The following MAP4K3 variants were observed in gnomAD, a reference collection of about 807,000 sequenced individuals.
MAP4K3 encodes MAPK/ERK kinase kinase kinase 3.
In MAP4K3, 94 loss-of-function variants were observed where a neutral mutation model predicts 143.5. The observed-to-expected ratio is 0.65, with a 90% CI of 0.55 to 0.78. The LOEUF is 0.78. MAP4K3 is among the 30% of genes least tolerant of loss of function. The probability of loss-of-function intolerance (pLI) is 0.00; values close to 1 mark genes in which losing one functional copy is unlikely to be tolerated. For missense variants in MAP4K3, 1,077 were observed against 1,068.1 expected, an observed-to-expected ratio of 1.01 and a Z score of -0.12; for synonymous variants, 416 against 347.2, an observed-to-expected ratio of 1.20 and a Z score of -2.20.
Position 39,300,468 on chromosome 2 carries a change from C to T in MAP4K3, c.1120-667G>A, listed in dbSNP as rs1682463719. On this transcript the variant is annotated intron_variant, in intron 15 of 33. Coordinates refer to ENST00000263881, the MANE Select transcript of MAP4K3 (RefSeq NM_003618.4). ...TTAACATTTAAAAGGATGAACAGTA[C>T]ACATGCTCAACTCAAATGCCTTCTT... 1.3e-5 allele frequency among the ~76,000 whole-genome samples: 2 copies of T among 152,248 alleles called. 1 individual carries two copies.
intron 24 of MAP4K3, 95 bp downstream of exon 24, chr2:39,278,312 G>A: frequency 1.5e-6 from 1 of 647,210 alleles, no homozygotes; most frequent in Non-Finnish European, 2.6e-6. Context: ...AATAAAAGAG[G>A]CAGCAAGTCA....
chr2:39,385,564 AT>A (rs1370723296), intron 1 of MAP4K3, among the ~76,000 whole-genome samples: 1 of 13,650 alleles, frequency 7.3e-5, no homozygotes, highest in African/African-American at 9.3e-5. Context: ...ATATATATAT[AT>A]ATATATATAT....
chr2:39,357,187 T>A (rs1665636741), intron 2 of MAP4K3, among the ~76,000 whole-genome samples: 1 of 152,244 alleles, frequency 6.6e-6, no homozygotes, highest in African/African-American at 2.4e-5. Context: ...GGCTCCTGAA[T>A]GAACACTTGT....
At chr2:39,252,358 C>T (rs1191343304) in intron 32 of MAP4K3, among the ~76,000 whole-genome samples, 11 of 152,176 alleles carry the variant, frequency 7.2e-5, no homozygotes, top group African/African-American at 1.7e-4. Context: ...GTATGTAATC[C>T]GCTAGAAATG....
At chr2:39,263,342 G>A (rs1363188366) in intron 28 of MAP4K3, among the ~76,000 whole-genome samples, 2 of 145,422 alleles carry the variant, frequency 1.4e-5, no homozygotes, top group South Asian at 2.2e-4. Context: ...GCGCAATCTC[G>A]GCTCACTGCA....
At position 39,288,125 on chromosome 2, in the gene MAP4K3, G is replaced by A; in HGVS notation, c.1470C>T (p.Ala490=). ...GCTGTCACCCTCCACCATTACCTAA[G>A]GCAACAGGTTTGTGTGGGGGTAATC... The part of the protein sequence containing the change: ...PPRLPPHKPV[A]LGNGMSSFQL... Residue 490 remains alanine (A), a synonymous_variant, in exon 20 of 34, where the codon GCC becomes GCT. Transcript: ENST00000263881. 1 of 1,613,922 alleles carries A rather than the reference G, an allele frequency of 6.2e-7. No individual in the cohort carries two copies. The highest frequency in any genetic ancestry group is 8.5e-7 in the Non-Finnish European group (1 of 1,179,928).
intron 2 of MAP4K3, among the ~76,000 whole-genome samples, chr2:39,376,997 A>G (rs1666236127): frequency 6.6e-6 from 1 of 152,158 alleles, no homozygotes; most frequent in East Asian, 1.9e-4. Flanking sequence ...AAATATGTAT[A>G]ACTGGAAAAT....
intron 1 of MAP4K3, among the ~76,000 whole-genome samples, chr2:39,384,850 C>T (rs1028705782): frequency 1.3e-5 from 2 of 151,936 alleles, no homozygotes; most frequent in Admixed American, 6.5e-5. Context: ...GTAACCACCA[C>T]CACCACCACC....
chr2:39,384,913 T>C (rs534252568), intron 1 of MAP4K3, among the ~76,000 whole-genome samples: 4 of 152,284 alleles, frequency 2.6e-5, no homozygotes, highest in African/African-American at 9.6e-5. Context: ...GAAGTCATAA[T>C]CCTCCCTAAA....
intron 2 of MAP4K3, among the ~76,000 whole-genome samples, chr2:39,370,077 C>T (rs1215558428): frequency 6.6e-6 from 1 of 152,172 alleles, no homozygotes; most frequent in African/African-American, 2.4e-5. Flanking sequence ...TCCTTGAAGC[C>T]AAATCACTGG....
intron 1 of MAP4K3, among the ~76,000 whole-genome samples, chr2:39,436,112 G>T (rs982223377): frequency 6.6e-6 from 1 of 152,206 alleles, no homozygotes; most frequent in African/African-American, 2.4e-5. Context: ...GTGAGGCCAA[G>T]AGTTGAGTTG....
chr2:39,334,343 G>A (rs1456713003), intron 6 of MAP4K3, among the ~76,000 whole-genome samples: 1 of 152,068 alleles, frequency 6.6e-6, no homozygotes, highest in Non-Finnish European at 1.5e-5. Flanking sequence ...CATCAATCAT[G>A]TAAGTATGGG....
intron 2 of MAP4K3, among the ~76,000 whole-genome samples, chr2:39,362,923 G>A (rs1665809798): frequency 6.6e-6 from 1 of 152,140 alleles, no homozygotes; most frequent in Non-Finnish European, 1.5e-5. Context: ...TCTTTCACAA[G>A]GATGCCAAGA....
At chr2:39,263,696 T>C (rs1680662093) in intron 28 of MAP4K3, among the ~76,000 whole-genome samples, 1 of 152,164 alleles carries the variant, frequency 6.6e-6, no homozygotes, top group South Asian at 2.1e-4. Context: ...GATTAAAATC[T>C]TGAGGGAGAC....
chr2:39,286,921 G>T lies in MAP4K3; in HGVS notation c.1518C>A (p.Gly506=). The change falls in exon 21 of 34, where the codon GGC becomes GGA. Residue 506 remains glycine (G), a synonymous_variant. Coordinates refer to ENST00000263881, the MANE Select transcript of MAP4K3 (RefSeq NM_003618.4). ...SSFQLNGERD[G]SLCQQQNEHR... is the part of the protein sequence containing the mutation. ...GTTCATTCTGTTGTTGACATAATGA[G>T]CCATCTCGTTCACCATTTAACTGGA... 6.2e-7 allele frequency: 1 copy of T among 1,609,016 alleles called. No homozygotes were observed. Among genetic ancestry groups the T allele is most frequent in the East Asian group, 2.2e-5 (1 of 44,610 alleles).
intron 26 of MAP4K3, among the ~76,000 whole-genome samples, chr2:39,268,343 C>A (rs1410214150): frequency 2.0e-5 from 3 of 152,020 alleles, no homozygotes; most frequent in African/African-American, 7.2e-5. Context: ...ATTTTTTGGA[C>A]AAGGTCTCGC....
chr2:39,366,478 C>T lies in MAP4K3; in HGVS notation c.155-10139G>A, dbSNP rs143850186. On this transcript the variant is annotated intron_variant, in intron 2 of 33. Transcript: ENST00000263881. ...TAAATGTTTCAGACGAAATTTCAGA[C>T]GAAGAAATGTTTCTCTTGAGATGTA... 4.5e-3 allele frequency among the ~76,000 whole-genome samples: 681 copies of T among 152,190 alleles called. 2 individuals carry two copies. Among genetic ancestry groups the T allele is most frequent in the Non-Finnish European group, 7.4e-3 (503 of 68,012 alleles).
chr2:39,341,551 G>A (rs1665140161), intron 4 of MAP4K3, among the ~76,000 whole-genome samples: 1 of 151,970 alleles, frequency 6.6e-6, no homozygotes, highest in African/African-American at 2.4e-5. Flanking sequence ...AGCTACTCAG[G>A]AGGCTGAGGC....
chr2:39,325,951 G>A lies in MAP4K3; in HGVS notation c.673C>T (p.Leu225=), dbSNP rs1339498326. 1 of 1,591,834 alleles carries A rather than the reference G, an allele frequency of 6.3e-7. No individual in the cohort carries two copies. The highest frequency in any genetic ancestry group is 8.6e-7 in the Non-Finnish European group (1 of 1,163,906). The change falls in exon 10 of 34, where the codon CTA becomes TTA. Residue 225 remains leucine, a synonymous_variant. Transcript: ENST00000263881. The part of the protein sequence containing the change: ...FDLHPMRALF[L]MTKSNFQPPK... The stretch of plus-strand genomic sequence containing the variant: ...GGCTGAAAATTGCTTTTTGTCATTA[G>A]AAATAATGCTCTGAAAAATCAACAA...
Sources: allele counts gnomAD v4.1 joint callset (sites outside exome capture counted in the v4.1 genomes callset), GRCh38; gene constraint gnomAD v4.1.1; transcripts MANE v1.5; gene names NCBI Gene and HGNC (gene_info 2026-07-23, HGNC 2026-07-21).